Variants in TANK observed in about 807,000 individuals in gnomAD.
TANK encodes TRAF family member-associated NF-kappa-B activator.
Under a neutral mutation model 43.6 loss-of-function variants are expected in TANK, and 15 were observed. The ratio of observed to expected loss-of-function variants is 0.34; its 90% CI spans 0.23 to 0.53. The LOEUF is 0.53. Ranked by LOEUF, TANK falls within the 20% of genes least tolerant of loss-of-function variation. The pLI is 0.94. For synonymous variants in TANK, 162 were observed against 178.2 expected (o/e 0.91, Z 0.73); for missense variants, 417 against 498.6 (o/e 0.84, Z 1.56).
At chr2:161,233,001 TA>T (rs892164986) in intron 7 of TANK, 11 of 816,036 alleles carry the variant, frequency 1.3e-5, no homozygotes, top group East Asian at 2.8e-5. Flanking sequence ...ATGAGTTTTT[TA>T]AAAAAAACCT....
At chr2:161,196,080 A>T (rs1472385724) in intron 2 of TANK, among the ~76,000 whole-genome samples, 1 of 152,204 alleles carries the variant, frequency 6.6e-6, no homozygotes, top group Non-Finnish European at 1.5e-5. Flanking sequence ...GCTCCGAAAG[A>T]GCAAGACTCC....
Position 161,235,388 on chromosome 2 carries a change from T to A in TANK, c.1148T>A (p.Leu383Gln), listed in dbSNP as rs775750535. ...AATCAAGACAGTGACTCGGTGGTAC[T>A]AAGTGGCACAGACTCAGAACTGCAT... ...FPNQDSDSVV[L>Q]SGTDSELHIP... is the part of the protein sequence containing the mutation. Residue 383 changes from leucine (L) to glutamine (Q), a missense_variant, in exon 8 of 8, where the codon CTA becomes CAA. Coordinates refer to ENST00000392749, the MANE Select transcript of TANK (RefSeq NM_001199135.3). 6.8e-6 allele frequency: 11 copies of A among 1,613,060 alleles called. No individual in the cohort carries two copies. The South Asian group carries it at 9.9e-5, about 15-fold the overall frequency.
chr2:161,164,926 A>T (rs777314612), intron 1 of TANK, among the ~76,000 whole-genome samples: 4 of 152,094 alleles, frequency 2.6e-5, no homozygotes, highest in Non-Finnish European at 5.9e-5. Flanking sequence ...CTGGACAGTA[A>T]CTTTTTACCT....
chr2:161,206,256 T>C (rs1237724016), intron 4 of TANK, among the ~76,000 whole-genome samples: 1 of 152,146 alleles, frequency 6.6e-6, no homozygotes, highest in Non-Finnish European at 1.5e-5. Context: ...TGAAATTTTA[T>C]AAGTTTGAAA....
chr2:161,167,570 T>C (rs1684740097), intron 1 of TANK, among the ~76,000 whole-genome samples: 1 of 152,134 alleles, frequency 6.6e-6, no homozygotes, highest in Non-Finnish European at 1.5e-5. Context: ...CAGGTTGCCT[T>C]GGGGGGTTGC....
intron 2 of TANK, among the ~76,000 whole-genome samples, chr2:161,182,206 G>A (rs1414924656): frequency 6.6e-6 from 1 of 151,844 alleles, no homozygotes; most frequent in African/African-American, 2.4e-5. Flanking sequence ...CCAAATGTGT[G>A]TGGGTTTCTC....
In TANK at chr2:161,223,918, A is replaced by G. The variant is rs1220575606; in HGVS notation, c.331A>G (p.Arg111Gly). The change falls in exon 5 of 8, where the codon AGA becomes GGA. Residue 111 changes from arginine to glycine, a missense_variant. Arg to Gly is a moderately radical substitution (Grantham distance 125). Transcript: ENST00000392749. ...GIAREKLPKV[R>G]RQEVSSPRKE... ...GTAATCATTTTGTATGTTTAAGGTA[A>G]GAAGACAAGAGGTTTCTTCTCCTAG... 2 of 1,598,456 alleles carry G rather than the reference A, an allele frequency of 1.3e-6. No individual in the cohort carries two copies. Among genetic ancestry groups the G allele is most frequent in the Non-Finnish European group, 1.7e-6 (2 of 1,168,598 alleles).
intron 1 of TANK, among the ~76,000 whole-genome samples, chr2:161,176,403 GAA>G (rs957369090): frequency 5.3e-5 from 8 of 151,992 alleles, no homozygotes; most frequent in African/African-American, 1.9e-4. Context: ...TATCAACCTG[GAA>G]CTTATTTCTT....
At chr2:161,221,094 T>C (rs925610764) in intron 4 of TANK, among the ~76,000 whole-genome samples, 2 of 152,214 alleles carry the variant, frequency 1.3e-5, no homozygotes, top group African/African-American at 2.4e-5. Flanking sequence ...GATGTGTTTA[T>C]CTTAATGGAT....
chr2:161,160,434 C>A lies in TANK; in HGVS notation c.-102C>A, dbSNP rs1684361246. ...GCAACTTCCGGTTGGAGTCACTCGG[C>A]CAGGCGCCGGCGACCTGAGGGGAGA... On this transcript the variant is annotated 5_prime_UTR_variant, in exon 1 of 8. Transcript: ENST00000392749. 8.1e-7 allele frequency: 1 copy of A among 1,240,074 alleles called. No homozygotes were observed. The highest frequency in any genetic ancestry group is 3.1e-5 in the East Asian group (1 of 31,988). 76.8% of individuals were successfully genotyped at this position (1,240,074 alleles called of 1,614,324 possible). A position where few individuals can be genotyped will look rare whatever the true frequency, so the allele number is the denominator to read the frequency against.
At chr2:161,156,910 A>G (rs1218349698), upstream of TANK, among the ~76,000 whole-genome samples, 1 of 152,214 alleles carries the variant, frequency 6.6e-6, no homozygotes, top group Admixed American at 6.5e-5. Context: ...CCAGAGAAAC[A>G]AACACCCAGT....
chr2:161,141,570 A>C (rs1683748159), intron 1 of TANK, among the ~76,000 whole-genome samples: 1 of 152,204 alleles, frequency 6.6e-6, no homozygotes, highest in African/African-American at 2.4e-5. Context: ...CTTATGAGTT[A>C]GAACATGCGA....
At chr2:161,216,524 T>A in intron 4 of TANK, 1 of 413,404 alleles carries the variant, frequency 2.4e-6, no homozygotes, top group South Asian at 1.8e-5. Context: ...TAAATGTTCA[T>A]TCCCCTTTGA....
chr2:161,184,793 G>A (rs1685583620), intron 2 of TANK, among the ~76,000 whole-genome samples: 2 of 152,132 alleles, frequency 1.3e-5, no homozygotes, highest in Admixed American at 6.6e-5. Flanking sequence ...CTATAATTAG[G>A]TTTTAGTTAA....
At chr2:161,138,542 T>C (rs558292949) in intron 1 of TANK, among the ~76,000 whole-genome samples, 1 of 152,252 alleles carries the variant, frequency 6.6e-6, no homozygotes, top group East Asian at 1.9e-4. Context: ...CCCACTCCCA[T>C]CTCTTCACTC....
intron 4 of TANK, among the ~76,000 whole-genome samples, chr2:161,215,406 T>G (rs1297666268): frequency 6.6e-6 from 1 of 152,208 alleles, no homozygotes; most frequent in Non-Finnish European, 1.5e-5. Context: ...GTCTTATATC[T>G]TCATACTTTA....
In TANK at chr2:161,235,431, A is replaced by G. The variant is rs1341163799; in HGVS notation, c.1191A>G (p.Glu397=). ...AACTGCATATACCTCGAGTATGTGAATTCTGTCAAGCAGTTTTCCCACCAT... is the reference window on the plus strand; with the variant it reads ...AACTGCATATACCTCGAGTATGTGAGTTCTGTCAAGCAGTTTTCCCACCAT... The part of the protein sequence containing the change: ...DSELHIPRVC[E]FCQAVFPPSI... The change falls in exon 8 of 8, where the codon GAA becomes GAG. Residue 397 remains glutamate (E), a synonymous_variant. Coordinates refer to ENST00000392749, the MANE Select transcript of TANK (RefSeq NM_001199135.3). 6 of 1,614,072 alleles carry G rather than the reference A, an allele frequency of 3.7e-6. No individual in the cohort carries two copies. The highest frequency in any genetic ancestry group is 5.1e-6 in the Non-Finnish European group (6 of 1,179,956).
intron 1 of TANK, among the ~76,000 whole-genome samples, chr2:161,171,845 G>C (rs1684954287): frequency 6.6e-6 from 1 of 152,128 alleles, no homozygotes; most frequent in South Asian, 2.1e-4. Flanking sequence ...TGTGTAGCCT[G>C]TGACTTCTGT....
At chr2:161,150,714 A>G (rs1318137011) in intron 1 of TANK, among the ~76,000 whole-genome samples, 1 of 150,764 alleles carries the variant, frequency 6.6e-6, no homozygotes, top group Non-Finnish European at 1.5e-5. Context: ...AGCCTCCCAA[A>G]TAGCCGGGAT....
Sources: gnomAD v4.1 joint callset for allele counts (sites outside exome capture counted in the v4.1 genomes callset) on GRCh38, gnomAD v4.1.1 for gene constraint, MANE v1.5 for transcripts, NCBI Gene and HGNC (gene_info 2026-07-23, HGNC 2026-07-21) for gene names.